Variants in ABTB2 observed in about 807,000 individuals in gnomAD.
ABTB2 encodes ankyrin repeat and BTB domain containing 2.
A neutral mutation model predicts 104.1 loss-of-function variants in ABTB2; 56 were observed. The ratio of observed to expected loss-of-function variants is 0.54; its 90% CI spans 0.43 to 0.67. ABTB2 has a LOEUF of 0.67. Ranked by LOEUF, ABTB2 falls within the 30% of genes least tolerant of loss-of-function variation. ABTB2 has a pLI of 0.00. For synonymous variants in ABTB2, 606 were observed against 608.2 expected (o/e 1.00, Z 0.05); for missense variants, 1,279 against 1,407.7 (o/e 0.91, Z 1.46).
chr11:34,176,746 T>G (rs1470675443), intron 3 of ABTB2, among the ~76,000 whole-genome samples: 3 of 152,230 alleles, frequency 2.0e-5, no homozygotes, highest in Non-Finnish European at 4.4e-5. Flanking sequence ...AGGTTTTCAG[T>G]TATGGACCAA....
intron 1 of ABTB2, among the ~76,000 whole-genome samples, chr11:34,229,203 C>A (rs2133055494): frequency 6.6e-6 from 1 of 151,412 alleles, no homozygotes; most frequent in Non-Finnish European, 1.5e-5. Context: ...TTTATTCTGG[C>A]CGGGTGCGGT....
intron 1 of ABTB2, among the ~76,000 whole-genome samples, chr11:34,226,713 G>A (rs1853692591): frequency 6.6e-6 from 1 of 152,152 alleles, no homozygotes; most frequent in Admixed American, 6.6e-5. Flanking sequence ...TAGTATATCA[G>A]AGTATGAAAC....
chr11:34,291,154 T>C (rs1006748481), intron 1 of ABTB2, among the ~76,000 whole-genome samples: 2 of 152,218 alleles, frequency 1.3e-5, no homozygotes, highest in African/African-American at 4.8e-5. Context: ...GCCACAGCAA[T>C]CCCCAAGGAA....
intron 1 of ABTB2, among the ~76,000 whole-genome samples, chr11:34,314,839 TG>T (rs1017508145): frequency 6.6e-6 from 1 of 152,012 alleles, no homozygotes; most frequent in African/African-American, 2.4e-5. Flanking sequence ...CCCTTCTGAG[TG>T]GGGGGCCCTG....
intron 1 of ABTB2, among the ~76,000 whole-genome samples, chr11:34,318,614 C>A (rs1854967971): frequency 6.6e-6 from 1 of 152,096 alleles, no homozygotes; most frequent in African/African-American, 2.4e-5. Context: ...ACAATGACGT[C>A]ATAATAAAAA....
intron 1 of ABTB2, among the ~76,000 whole-genome samples, chr11:34,256,308 C>G (rs1199055673): frequency 1.3e-5 from 2 of 152,184 alleles, no homozygotes; most frequent in African/African-American, 4.8e-5. Flanking sequence ...TTTCTCCCCC[C>G]TCCCTTCTGG....
intron 3 of ABTB2, among the ~76,000 whole-genome samples, chr11:34,187,013 A>C (rs1426663416): frequency 2.6e-5 from 4 of 152,198 alleles, no homozygotes; most frequent in Admixed American, 6.5e-5. Context: ...ACCGACCTCC[A>C]TTCCTGAGCT....
At position 34,357,616 on chromosome 11, in the gene ABTB2, A is replaced by G; in HGVS notation, c.-33T>C. 6.7e-7 allele frequency: 1 copy of G among 1,482,552 alleles called. No homozygotes were observed. The highest frequency in any genetic ancestry group is 9.0e-7 in the Non-Finnish European group (1 of 1,115,276). The allele number at this position is 1,482,552 out of a possible 1,614,324, so 91.8% of individuals were successfully genotyped here. On this transcript the variant is annotated 5_prime_UTR_variant, in exon 1 of 17. Transcript: ENST00000435224. ...CTGCCGAGGGCGGCGTCGCCGAGCG[A>G]GGGGCACTCACAACTCCATGCCCTC... is the stretch of plus-strand genomic sequence containing the variant.
rs557164153 is a variant in ABTB2 at position 34,173,871 on chromosome 11, C to T, written c.1245-564G>A. ...AGTCTGGTTCTCCATCTGTAGCACA[C>T]GTGTGATACCTCCTTATGGAGGCTG... On this transcript the variant is annotated intron_variant, in intron 3 of 16. Transcript: ENST00000435224. 3.9e-5 allele frequency among the ~76,000 whole-genome samples: 6 copies of T among 152,310 alleles called. 1 individual carries two copies. The highest frequency in any genetic ancestry group is 4.1e-4 in the South Asian group (2 of 4,824).
At chr11:34,160,184 G>A in intron 12 of ABTB2, 64 bp downstream of exon 12, 1 of 1,441,414 alleles carries the variant, frequency 6.9e-7, no homozygotes, top group Non-Finnish European at 9.7e-7. Flanking sequence ...AAGTGGGGAG[G>A]AAGCAGGAAA....
At chr11:34,210,202 T>C (rs1853464731) in intron 1 of ABTB2, among the ~76,000 whole-genome samples, 1 of 152,156 alleles carries the variant, frequency 6.6e-6, no homozygotes, top group Non-Finnish European at 1.5e-5. Flanking sequence ...TTTCATTCCC[T>C]TCTCTGTAAA....
chr11:34,182,511 A>T (rs563768988), intron 3 of ABTB2, among the ~76,000 whole-genome samples: 2 of 124,662 alleles, frequency 1.6e-5, no homozygotes, highest in East Asian at 2.0e-4. Context: ...GGGGGGGGGA[A>T]ATTCACTTTT....
At chr11:34,340,988 A>G (rs1433205505) in intron 1 of ABTB2, among the ~76,000 whole-genome samples, 1 of 152,224 alleles carries the variant, frequency 6.6e-6, no homozygotes, top group South Asian at 2.1e-4. Flanking sequence ...AGTGGCAGTG[A>G]TGGTAGCAAT....
At chr11:34,231,000 C>T (rs1481559442) in intron 1 of ABTB2, among the ~76,000 whole-genome samples, 2 of 152,108 alleles carry the variant, frequency 1.3e-5, no homozygotes, top group Non-Finnish European at 2.9e-5. Context: ...CATGAGCCAC[C>T]GCACACAGCA....
At chr11:34,220,730 A>C (rs1853610576) in intron 1 of ABTB2, among the ~76,000 whole-genome samples, 1 of 152,192 alleles carries the variant, frequency 6.6e-6, no homozygotes, top group Non-Finnish European at 1.5e-5. Context: ...AAATAAATAA[A>C]TAATAAATAA....
chr11:34,288,075 C>T (rs796945009), intron 1 of ABTB2, among the ~76,000 whole-genome samples: 36 of 152,188 alleles, frequency 2.4e-4, no homozygotes, highest in African/African-American at 8.7e-4. Context: ...TTTTCTCTAG[C>T]CATTATCTAA....
At chr11:34,267,195 G>A (rs1854262894) in intron 1 of ABTB2, among the ~76,000 whole-genome samples, 1 of 152,200 alleles carries the variant, frequency 6.6e-6, no homozygotes, top group Non-Finnish European at 1.5e-5. Context: ...GCTGAGGCCA[G>A]GCATTCAAAT....
rs1233763258 is a variant in ABTB2 at position 34,265,661 on chromosome 11, G to GAAAA, written c.884-60975_884-60972dup. ...CAACAAGAGCAAAACTCTGTCTCAA[G>GAAAA]AAAAAAAAAAAAAAAAAAAAAAAAA... On this transcript the variant is annotated intron_variant, in intron 1 of 16. Coordinates refer to ENST00000435224, the MANE Select transcript of ABTB2 (RefSeq NM_145804.3). Among the ~76,000 whole-genome samples, 136 of 25,676 alleles carry GAAAA rather than the reference G, an allele frequency of 5.3e-3. 9 individuals are homozygous for GAAAA. Among genetic ancestry groups the GAAAA allele is most frequent in the African/African-American group, 0.018 (125 of 7,098 alleles). The allele number at this position is 25,676 out of a possible 152,430, so 16.8% of individuals were successfully genotyped here.
At chr11:34,301,409 T>TA (rs1429091145) in intron 1 of ABTB2, among the ~76,000 whole-genome samples, 13 of 152,148 alleles carry the variant, frequency 8.5e-5, no homozygotes, top group Non-Finnish European at 1.5e-4. Flanking sequence ...AACAAGATTT[T>TA]AAAAAAATCT....
Sources: gnomAD v4.1 joint callset for allele counts (sites outside exome capture counted in the v4.1 genomes callset) on GRCh38, gnomAD v4.1.1 for gene constraint, MANE v1.5 for transcripts, NCBI Gene and HGNC (gene_info 2026-07-23, HGNC 2026-07-21) for gene names.